Variants in ANO3 observed in about 807,000 individuals in gnomAD.
The protein encoded by ANO3 is anoctamin 3.
In ANO3, 99 loss-of-function variants were observed where a neutral mutation model predicts 144.8. The observed-to-expected ratio is 0.68, with a 90% CI of 0.58 to 0.81. The LOEUF (loss-of-function observed/expected upper bound fraction) is 0.81, where lower values mean the gene tolerates loss of function less well. Ranked by LOEUF, ANO3 falls within the 30% of genes least tolerant of loss-of-function variation. ANO3 has a pLI of 0.00. For synonymous variants in ANO3, 414 were observed against 392.6 expected, an observed-to-expected ratio of 1.05 and a Z score of -0.64; for missense variants, 905 against 1,202.2, an observed-to-expected ratio of 0.75 and a Z score of 3.66.
At chr11:26,309,281 G>C (rs1052022711), upstream of ANO3, among the ~76,000 whole-genome samples, 1 of 152,152 alleles carries the variant, frequency 6.6e-6, no homozygotes, top group African/African-American at 2.4e-5. Context: ...ATCAGAGTGA[G>C]CAAAGGAAAA....
chr11:26,484,861 C>T (rs115219743), intron 4 of ANO3, among the ~76,000 whole-genome samples: 2,827 of 152,208 alleles, frequency 0.019, 97 homozygotes, highest in African/African-American at 0.065. Flanking sequence ...CAAGATGTGA[C>T]GTGAAGTCAA....
At chr11:26,307,288 A>G (rs1219881389), upstream of ANO3, among the ~76,000 whole-genome samples, 1 of 152,182 alleles carries the variant, frequency 6.6e-6, no homozygotes. Flanking sequence ...CAGGAGACGG[A>G]GGTTGCAGTA....
intron 1 of ANO3, among the ~76,000 whole-genome samples, chr11:26,288,717 G>T (rs1346415288): frequency 6.6e-6 from 1 of 152,062 alleles, no homozygotes; most frequent in Non-Finnish European, 1.5e-5. Flanking sequence ...TGAGAAAGCA[G>T]CAAGATAGGA....
At chr11:26,426,047 G>A (rs1857910404) in intron 1 of ANO3, among the ~76,000 whole-genome samples, 1 of 152,016 alleles carries the variant, frequency 6.6e-6, no homozygotes, top group Non-Finnish European at 1.5e-5. Context: ...TATTATTGAT[G>A]TAAAATTAAA....
intron 1 of ANO3, among the ~76,000 whole-genome samples, chr11:26,279,093 A>C (rs1406030292): frequency 6.6e-6 from 1 of 152,172 alleles, no homozygotes; most frequent in Non-Finnish European, 1.5e-5. Context: ...GAAGCAAGAA[A>C]GAATATCTGG....
At chr11:26,436,187 G>A (rs980627151) in intron 1 of ANO3, among the ~76,000 whole-genome samples, 1 of 152,180 alleles carries the variant, frequency 6.6e-6, no homozygotes, top group Non-Finnish European at 1.5e-5. Flanking sequence ...GCTCTGTGCT[G>A]AGGGACCAGA....
At chr11:26,600,241 T>C (rs1321438870) in intron 17 of ANO3, among the ~76,000 whole-genome samples, 4 of 87,798 alleles carry the variant, frequency 4.6e-5, no homozygotes, top group Non-Finnish European at 8.9e-5. Context: ...CTCGTCTCCT[T>C]TCCTCTCCTC....
intron 1 of ANO3, among the ~76,000 whole-genome samples, chr11:26,322,538 TG>T (rs1187357485): frequency 6.6e-6 from 1 of 152,144 alleles, no homozygotes; most frequent in Non-Finnish European, 1.5e-5. Context: ...TTGATGACAT[TG>T]ACAGTTTTAA....
intron 1 of ANO3, among the ~76,000 whole-genome samples, chr11:26,438,038 C>CA (rs1177813432): frequency 6.9e-6 from 1 of 145,578 alleles, no homozygotes; most frequent in South Asian, 2.3e-4. Context: ...CACTACTGAA[C>CA]AAAAAAATAA....
intron 14 of ANO3, among the ~76,000 whole-genome samples, chr11:26,590,957 C>G (rs957910745): frequency 6.6e-6 from 1 of 152,186 alleles, no homozygotes; most frequent in Non-Finnish European, 1.5e-5. Flanking sequence ...CCACTCCCGT[C>G]TCGAATGCCT....
At chr11:26,216,367 T>A (rs1852036073) in intron 1 of ANO3, among the ~76,000 whole-genome samples, 1 of 152,024 alleles carries the variant, frequency 6.6e-6, no homozygotes, top group South Asian at 2.1e-4. Flanking sequence ...ACCATCTCTA[T>A]AATTTTTCCA....
intron 1 of ANO3, among the ~76,000 whole-genome samples, chr11:26,314,927 C>T (rs1195924385): frequency 6.6e-6 from 1 of 152,094 alleles, no homozygotes; most frequent in East Asian, 1.9e-4. Flanking sequence ...AATATAGACC[C>T]TTCTCCATCA....
intron 1 of ANO3, among the ~76,000 whole-genome samples, chr11:26,411,479 A>T (rs925506500): frequency 1.3e-5 from 2 of 152,026 alleles, no homozygotes; most frequent in East Asian, 1.9e-4. Context: ...GAAGTAAACC[A>T]TATAGAAAAG....
At chr11:26,510,405 TTAAA>T (rs1861618558) in intron 5 of ANO3, among the ~76,000 whole-genome samples, 2 of 152,074 alleles carry the variant, frequency 1.3e-5, no homozygotes, top group African/African-American at 4.8e-5. Context: ...TGGTGGCTAA[TTAAA>T]TAAAGAAGTA....
chr11:26,647,877 T>C (rs1302513261), intron 24 of ANO3, 21 bp downstream of exon 24: 1 of 1,596,330 alleles, frequency 6.3e-7, no homozygotes, highest in Non-Finnish European at 8.6e-7. Flanking sequence ...AATTTAAACA[T>C]TTTCCTGATA....
chr11:26,526,372 A>G (rs970590275), intron 7 of ANO3, among the ~76,000 whole-genome samples: 3 of 152,142 alleles, frequency 2.0e-5, no homozygotes, highest in Non-Finnish European at 2.9e-5. Flanking sequence ...TGAATGCTCA[A>G]AGAAAAAGCT....
rs371331763 is a variant in ANO3 at position 26,210,572 on chromosome 11, G to T, written c.154+21242G>T. Among the ~76,000 whole-genome samples, 46 of 152,242 alleles carry T rather than the reference G, an allele frequency of 3.0e-4. No homozygotes were observed. In the East Asian group the frequency reaches 5.8e-3, roughly 19 times the overall value. On this transcript the variant is annotated intron_variant, in intron 1 of 27. Coordinates refer to the ANO3 transcript ENST00000672621. ...GCATTGAATCTGTAAATTACTTTGGGCAGTATGGCCATTTTCATGACATTG... is the reference window on the plus strand; with the variant it reads ...GCATTGAATCTGTAAATTACTTTGGTCAGTATGGCCATTTTCATGACATTG...
intron 1 of ANO3, among the ~76,000 whole-genome samples, chr11:26,366,663 T>C (rs557025248): frequency 1.2e-4 from 19 of 152,148 alleles, no homozygotes; most frequent in Admixed American, 1.1e-3. Context: ...TTTTAATGAT[T>C]GCCATTCTAA....
intron 6 of ANO3, among the ~76,000 whole-genome samples, chr11:26,521,489 A>G (rs1026111943): frequency 6.6e-6 from 1 of 152,088 alleles, no homozygotes; most frequent in Non-Finnish European, 1.5e-5. Flanking sequence ...TATGTGTAAA[A>G]TTTTAATTTG....
Sources: gnomAD v4.1 joint callset for allele counts (sites outside exome capture counted in the v4.1 genomes callset) on GRCh38, gnomAD v4.1.1 for gene constraint, MANE v1.5 for transcripts, NCBI Gene and HGNC (gene_info 2026-07-23, HGNC 2026-07-21) for gene names.